The following ADAMTSL1 variants were observed in gnomAD, a reference collection of about 807,000 sequenced individuals.
ADAMTSL1 encodes ADAMTS-like protein 1.
A neutral mutation model predicts 201.8 loss-of-function variants in ADAMTSL1; 126 were observed. The ratio of observed to expected loss-of-function variants is 0.62; its 90% CI spans 0.54 to 0.72. The LOEUF (loss-of-function observed/expected upper bound fraction) is 0.72. ADAMTSL1 is among the 30% of genes least tolerant of loss of function. ADAMTSL1 has a pLI of 0.00. For missense variants in ADAMTSL1, 2,679 were observed against 2,277.8 expected, an observed-to-expected ratio of 1.18 and a Z score of -3.59; for synonymous variants, 1,121 against 903.4, an observed-to-expected ratio of 1.24 and a Z score of -4.32.
intron 20 of ADAMTSL1, among the ~76,000 whole-genome samples, chr9:18,796,992 G>A (rs973641256): frequency 6.6e-6 from 1 of 152,174 alleles, no homozygotes; most frequent in African/African-American, 2.4e-5. Flanking sequence ...TTGTTCACCC[G>A]AATTTAATAC....
At chr9:18,505,148 C>T (rs548184839) in intron 2 of ADAMTSL1, among the ~76,000 whole-genome samples, 192 bp downstream of exon 2, 8 of 152,342 alleles carry the variant, frequency 5.3e-5, no homozygotes, top group African/African-American at 1.9e-4. Context: ...CGTCCATCTG[C>T]AGCTGGGTCT....
intron 2 of ADAMTSL1, among the ~76,000 whole-genome samples, chr9:18,396,019 A>G (rs947818275): frequency 2.0e-5 from 3 of 152,212 alleles, no homozygotes; most frequent in Non-Finnish European, 4.4e-5. Flanking sequence ...CATTTGAAGT[A>G]GACCATTGAT....
chr9:18,263,379 C>A (rs531110133), intron 2 of ADAMTSL1, among the ~76,000 whole-genome samples: 1 of 152,118 alleles, frequency 6.6e-6, no homozygotes, highest in East Asian at 1.9e-4. Context: ...ATTTTTCGGG[C>A]TTTCCCCCTT....
chr9:18,315,904 C>T (rs1239535311), intron 2 of ADAMTSL1, among the ~76,000 whole-genome samples: 1 of 152,156 alleles, frequency 6.6e-6, no homozygotes, highest in East Asian at 1.9e-4. Flanking sequence ...AGCAATCCTA[C>T]TTCTCAGTAT....
At chr9:18,667,705 A>T (rs1017167374) in intron 9 of ADAMTSL1, among the ~76,000 whole-genome samples, 1 of 152,270 alleles carries the variant, frequency 6.6e-6, no homozygotes, top group East Asian at 1.9e-4. Context: ...GGTTATGATG[A>T]TGTTGATGTT....
intron 4 of ADAMTSL1, among the ~76,000 whole-genome samples, chr9:18,589,209 A>G (rs1196766762): frequency 1.3e-5 from 2 of 152,036 alleles, no homozygotes; most frequent in Non-Finnish European, 2.9e-5. Context: ...TAATCCATCA[A>G]CATGGAATAG....
chr9:18,314,979 G>A lies in ADAMTSL1; in HGVS notation c.207+150998G>A, dbSNP rs1204452673. Among the ~76,000 whole-genome samples, 4 of 150,684 alleles carry A rather than the reference G, an allele frequency of 2.7e-5. No homozygotes were observed. In the South Asian group the frequency reaches 6.5e-4, roughly 24 times the overall value. On this transcript the variant is annotated intron_variant, in intron 2 of 29. Coordinates refer to the ADAMTSL1 transcript ENST00000680146. ...GCCCGGCTAATTTTTTGTATTTTTA[G>A]TAGAGACGGGGTTTCACCGTGTTAG... is the stretch of plus-strand genomic sequence containing the variant.
intron 23 of ADAMTSL1, among the ~76,000 whole-genome samples, chr9:18,886,795 G>A (rs1245278911): frequency 6.6e-6 from 1 of 152,172 alleles, no homozygotes; most frequent in Non-Finnish European, 1.5e-5. Context: ...AATTCAATAT[G>A]AATCTAGGGG....
intron 6 of ADAMTSL1, 36 bp downstream of exon 6, chr9:18,636,053 A>C (rs770350061): frequency 4.1e-6 from 6 of 1,476,256 alleles, no homozygotes; most frequent in Non-Finnish European, 5.5e-6. Context: ...GGGAATTGGG[A>C]ATTGTAGTCA....
chr9:18,098,033 TTTTTTTTCCAGA>T (rs1470961363), intron 1 of ADAMTSL1, among the ~76,000 whole-genome samples: 1 of 148,902 alleles, frequency 6.7e-6, no homozygotes, highest in African/African-American at 2.6e-5. Flanking sequence ...TCAAGGCTTA[TTTTTTTTCCAGA>T]TTGATATGCA....
intron 2 of ADAMTSL1, among the ~76,000 whole-genome samples, chr9:18,398,962 A>G (rs910466882): frequency 2.0e-5 from 3 of 152,084 alleles, no homozygotes; most frequent in African/African-American, 7.2e-5. Flanking sequence ...TAGCCATCCC[A>G]GGGGCTGGAA....
At chr9:18,525,178 A>C (rs1433683533) in intron 2 of ADAMTSL1, among the ~76,000 whole-genome samples, 4 of 152,118 alleles carry the variant, frequency 2.6e-5, no homozygotes, top group Non-Finnish European at 4.4e-5. Flanking sequence ...GGGAGGGTGT[A>C]TGTGTCCAGG....
chr9:18,731,663 C>A (rs918612469), intron 15 of ADAMTSL1, among the ~76,000 whole-genome samples: 2 of 152,114 alleles, frequency 1.3e-5, no homozygotes, highest in Non-Finnish European at 2.9e-5. Context: ...CACAGTTCTG[C>A]AGGCTGTACA....
chr9:18,626,878 C>CTTTCTTTCTTTCTTTCTTTCTTTCTTT (rs1461320087), intron 5 of ADAMTSL1, among the ~76,000 whole-genome samples: 3 of 90,002 alleles, frequency 3.3e-5, no homozygotes, highest in Admixed American at 1.0e-4. Flanking sequence ...TGTCTTTCTT[C>CTTTCTTTCTTTCTTTCTTTCTTTCTTT]CTTCCTTCCT....
At chr9:18,102,903 G>C (rs1247971568) in intron 1 of ADAMTSL1, among the ~76,000 whole-genome samples, 1 of 152,138 alleles carries the variant, frequency 6.6e-6, no homozygotes. Context: ...GGGTCAGTCA[G>C]AGAGGGAAAA....
At chr9:18,535,985 A>G (rs565614410) in intron 3 of ADAMTSL1, among the ~76,000 whole-genome samples, 1 of 152,238 alleles carries the variant, frequency 6.6e-6, no homozygotes, top group South Asian at 2.1e-4. Context: ...ATTACTTAAA[A>G]TCCATAGCAC....
intron 2 of ADAMTSL1, among the ~76,000 whole-genome samples, chr9:18,389,491 T>C (rs545481579): frequency 1.3e-5 from 2 of 152,250 alleles, no homozygotes; most frequent in Admixed American, 1.3e-4. Context: ...TGTATTCATA[T>C]TATTGAAATC....
At chr9:17,993,158 A>G (rs1411050650) in intron 1 of ADAMTSL1, among the ~76,000 whole-genome samples, 2 of 152,196 alleles carry the variant, frequency 1.3e-5, no homozygotes, top group Non-Finnish European at 2.9e-5. Flanking sequence ...AGGAAGAAAG[A>G]TCATAAAAAT....
chr9:18,764,791 A>G (rs1820268329), intron 16 of ADAMTSL1, among the ~76,000 whole-genome samples: 1 of 152,230 alleles, frequency 6.6e-6, no homozygotes, highest in Admixed American at 6.5e-5. Flanking sequence ...ATAATATCCT[A>G]AAAGCTTTAT....
Sources: allele counts gnomAD v4.1 joint callset (sites outside exome capture counted in the v4.1 genomes callset), GRCh38; gene constraint gnomAD v4.1.1; transcripts MANE v1.5; gene names NCBI Gene and HGNC (gene_info 2026-07-23, HGNC 2026-07-21).